CNNM1: variants seen among roughly 807,000 people sequenced by gnomAD.
The protein encoded by CNNM1 is metal transporter CNNM1.
CNNM1 carries 44 observed loss-of-function variants against 78.8 expected under a neutral mutation model. The observed-to-expected ratio is 0.56, with a 90% CI of 0.44 to 0.72. The LOEUF (loss-of-function observed/expected upper bound fraction) is 0.72. Among genes scored for constraint, CNNM1 ranks in the 30% least tolerant of loss-of-function variants. The pLI is 0.00. For synonymous variants in CNNM1, 584 were observed against 581.5 expected (o/e 1.00, Z -0.06); for missense variants, 1,101 against 1,292.2 (o/e 0.85, Z 2.27).
intron 10 of CNNM1, 40 bp from the exon 11 acceptor site, chr10:99,391,397 C>G (rs2134087856): frequency 6.8e-7 from 1 of 1,467,094 alleles, no homozygotes; most frequent in South Asian, 1.2e-5. Context: ...GAATGTTCCT[C>G]CAGTGTTACA....
chr10:99,359,624 C>T (rs11190073), intron 2 of CNNM1, among the ~76,000 whole-genome samples: 1 of 151,982 alleles, frequency 6.6e-6, no homozygotes, highest in Non-Finnish European at 1.5e-5. Context: ...CACTTTGACC[C>T]TTCTAGAAGG....
intron 6 of CNNM1, among the ~76,000 whole-genome samples, chr10:99,367,312 A>G (rs998343937): frequency 1.3e-5 from 2 of 152,198 alleles, no homozygotes; most frequent in Non-Finnish European, 2.9e-5. Flanking sequence ...GAGTGAGATT[A>G]TGAGTTTGCT....
intron 1 of CNNM1, among the ~76,000 whole-genome samples, chr10:99,337,591 T>A (rs2030247393): frequency 6.6e-6 from 1 of 152,170 alleles, no homozygotes; most frequent in East Asian, 1.9e-4. Context: ...AATACAAAAA[T>A]AGATTTTTTG....
intron 1 of CNNM1, among the ~76,000 whole-genome samples, chr10:99,332,166 A>G (rs1272318041): frequency 6.6e-6 from 1 of 152,198 alleles, no homozygotes; most frequent in Non-Finnish European, 1.5e-5. Context: ...GAGAGCATTC[A>G]AAAGACTATC....
Position 99,367,211 on chromosome 10 carries a change from C to G in CNNM1, c.2176+2209C>G, listed in dbSNP as rs116833352. On this transcript the variant is annotated intron_variant, in intron 6 of 10. Coordinates refer to ENST00000356713, the MANE Select transcript of CNNM1 (RefSeq NM_020348.3). ...CTATAGGTTGAGGGAGAGCTTAAGT[C>G]TAAGCTAAAAGGCAATAAAATCTTG... Among the ~76,000 whole-genome samples, 138 of 152,246 alleles carry G rather than the reference C, an allele frequency of 9.1e-4. 1 individual carries two copies. Among genetic ancestry groups the G allele is most frequent in the African/African-American group, 3.2e-3 (134 of 41,540 alleles).
chr10:99,355,431 A>G (rs993572366), intron 1 of CNNM1, among the ~76,000 whole-genome samples: 1 of 152,242 alleles, frequency 6.6e-6, no homozygotes, highest in Non-Finnish European at 1.5e-5. Flanking sequence ...TAATAAAAAA[A>G]GAGTTTATAA....
chr10:99,382,683 C>T (rs1306885291), intron 7 of CNNM1, among the ~76,000 whole-genome samples: 1 of 152,190 alleles, frequency 6.6e-6, no homozygotes, highest in Non-Finnish European at 1.5e-5. Flanking sequence ...AGGAAGATTG[C>T]TTAAACCCAG....
intron 1 of CNNM1, among the ~76,000 whole-genome samples, chr10:99,342,702 T>C (rs936317028): frequency 6.6e-6 from 1 of 152,030 alleles, no homozygotes; most frequent in Non-Finnish European, 1.5e-5. Context: ...AAAAATCTAG[T>C]ATGTGTCAAG....
chr10:99,387,781 T>C, intron 7 of CNNM1, 39 bp from the exon 8 acceptor site: 1 of 1,535,712 alleles, frequency 6.5e-7, no homozygotes, highest in East Asian at 2.3e-5. Flanking sequence ...GGGTGGTCTC[T>C]GCCTAGCTGC....
intron 7 of CNNM1, 179 bp downstream of exon 7, chr10:99,377,397 G>A: frequency 1.9e-6 from 1 of 530,260 alleles, no homozygotes; most frequent in South Asian, 3.2e-5. Context: ...GTAAGCTTTA[G>A]GACGGTTCAT....
chr10:99,388,608 A>G (rs1358806912), intron 9 of CNNM1, among the ~76,000 whole-genome samples: 1 of 152,174 alleles, frequency 6.6e-6, no homozygotes, highest in Non-Finnish European at 1.5e-5. Context: ...TGAACCTAAG[A>G]CTCAGTTTTT....
At chr10:99,339,577 CG>C (rs1456945410) in intron 1 of CNNM1, among the ~76,000 whole-genome samples, 2 of 152,174 alleles carry the variant, frequency 1.3e-5, no homozygotes, top group African/African-American at 4.8e-5. Flanking sequence ...ATCTAGGTTG[CG>C]TGCTCCTTGT....
chr10:99,355,797 T>C (rs907365678), intron 1 of CNNM1, among the ~76,000 whole-genome samples: 2 of 152,246 alleles, frequency 1.3e-5, no homozygotes, highest in Admixed American at 6.5e-5. Flanking sequence ...GTGGTTTTTA[T>C]GAGAATTAAA....
At chr10:99,352,260 G>A (rs1441908528) in intron 1 of CNNM1, among the ~76,000 whole-genome samples, 8 of 152,124 alleles carry the variant, frequency 5.3e-5, no homozygotes, top group South Asian at 2.1e-4. Context: ...CTCTCACTTA[G>A]CATAATGCTT....
intron 1 of CNNM1, among the ~76,000 whole-genome samples, chr10:99,355,878 G>T (rs565909007): frequency 6.6e-6 from 1 of 152,080 alleles, no homozygotes; most frequent in African/African-American, 2.4e-5. Flanking sequence ...TTCAGTCATC[G>T]CGCAATAAAA....
chr10:99,351,839 C>G (rs1196232433), intron 1 of CNNM1, among the ~76,000 whole-genome samples: 1 of 152,206 alleles, frequency 6.6e-6, no homozygotes, highest in African/African-American at 2.4e-5. Context: ...TCAACCCATT[C>G]TCTTTACGAA....
Position 99,387,858 on chromosome 10 carries a change from C to T in CNNM1, c.2379C>T (p.Cys793=), listed in dbSNP as rs369373358. The change falls in exon 8 of 11, where the codon TGC becomes TGT. Residue 793 remains cysteine (C), a synonymous_variant. Coordinates refer to ENST00000356713, the MANE Select transcript of CNNM1 (RefSeq NM_020348.3). ...RQQYQNALTA[C]HMDSSPQSPD... is the part of the protein sequence containing the mutation. ...AATATCAGAACGCACTCACTGCCTG[C>T]CACATGGACAGCTCACCTCAGTCCC... 3.7e-6 allele frequency: 6 copies of T among 1,611,458 alleles called. No homozygotes were observed. In the Admixed American group the frequency reaches 5.0e-5, roughly 14 times the overall value.
At position 99,330,937 on chromosome 10, in the gene CNNM1, C is replaced by T. The variant is rs1353343102; in HGVS notation, c.1550C>T (p.Thr517Met). Reference sequence around the variant, plus strand: ...GTTTTCAATGACACCCGACTGGACACGGTTCTGGAGGAGTTTAAGAAGGGT... The same window carrying T: ...GTTTTCAATGACACCCGACTGGACATGGTTCTGGAGGAGTTTAAGAAGGGT... ...HCVFNDTRLD[T>M]VLEEFKKGKS... Residue 517 changes from threonine (T) to methionine (M), a missense_variant, in exon 1 of 11, where the codon ACG becomes ATG. By Grantham distance (81) the Thr-to-Met change is moderately conservative. This residue lies in a region of CNNM1 where 277 missense variants were observed against 423.2 expected (regional missense o/e 0.65). Transcript: ENST00000356713. 2.5e-6 allele frequency: 4 copies of T among 1,613,048 alleles called. No homozygotes were observed. Among genetic ancestry groups the T allele is most frequent in the Admixed American group, 1.7e-5 (1 of 60,002 alleles).
intron 1 of CNNM1, among the ~76,000 whole-genome samples, chr10:99,335,585 C>T (rs1002060688): frequency 6.6e-6 from 1 of 152,154 alleles, no homozygotes; most frequent in African/African-American, 2.4e-5. Flanking sequence ...CAAATCTCTC[C>T]TCTTCCTCTT....
Sources: allele counts gnomAD v4.1 joint callset (sites outside exome capture counted in the v4.1 genomes callset), GRCh38; gene constraint gnomAD v4.1.1; regional missense constraint gnomAD v4.1.1; transcripts MANE v1.5; gene names NCBI Gene and HGNC (gene_info 2026-07-23, HGNC 2026-07-21).